Variants in PRR16 observed in about 807,000 individuals in gnomAD.
PRR16 encodes the protein protein Largen.
A neutral mutation model predicts 18.2 loss-of-function variants in PRR16; 6 were observed. The observed-to-expected ratio is 0.33, with a 90% CI of 0.18 to 0.65. The LOEUF (loss-of-function observed/expected upper bound fraction) is 0.65. Among genes scored for constraint, PRR16 ranks in the 30% least tolerant of loss-of-function variants. PRR16 has a pLI of 0.74. For missense variants in PRR16, 412 were observed against 376.6 expected (o/e 1.09, Z -0.78); for synonymous variants, 151 against 147.8 (o/e 1.02, Z -0.16).
chr5:120,775,719 C>T, the PRR16 span, among the ~76,000 whole-genome samples: 79 of 151,124 alleles, frequency 5.2e-4, no homozygotes, highest in African/African-American at 1.7e-3. Flanking sequence ...CAACCTCCAC[C>T]TCTCAGGCTC....
intron 1 of PRR16, among the ~76,000 whole-genome samples, chr5:120,618,932 A>G (rs1015535969): frequency 1.3e-5 from 2 of 152,000 alleles, no homozygotes; most frequent in African/African-American, 4.8e-5. Context: ...CATAGTGTCC[A>G]TGTATTCTGT....
intron 1 of PRR16, among the ~76,000 whole-genome samples, chr5:120,601,469 C>G (rs1455801508): frequency 6.6e-6 from 1 of 151,822 alleles, no homozygotes; most frequent in Non-Finnish European, 1.5e-5. Context: ...ATTATTAGAC[C>G]TTTGTCAGAT....
intron 1 of PRR16, among the ~76,000 whole-genome samples, chr5:120,616,372 G>T (rs898321924): frequency 6.6e-6 from 1 of 152,080 alleles, no homozygotes; most frequent in African/African-American, 2.4e-5. Context: ...ACTGCCCTCT[G>T]GAACTTAGAA....
chr5:120,493,149 G>T (rs955299025), intron 1 of PRR16, among the ~76,000 whole-genome samples: 1 of 152,174 alleles, frequency 6.6e-6, no homozygotes, highest in Non-Finnish European at 1.5e-5. Flanking sequence ...TTTCCATAGT[G>T]TTAGCACTAA....
intron 1 of PRR16, among the ~76,000 whole-genome samples, chr5:120,524,722 G>A (rs1169363730): frequency 6.6e-6 from 1 of 152,028 alleles, no homozygotes; most frequent in African/African-American, 2.4e-5. Flanking sequence ...AAATGCTTGA[G>A]GTGATGAATA....
intron 1 of PRR16, among the ~76,000 whole-genome samples, chr5:120,652,641 A>G (rs935635548): frequency 1.3e-5 from 2 of 152,008 alleles, no homozygotes; most frequent in Admixed American, 1.3e-4. Context: ...ATGCCTGACT[A>G]ATAATCCTCA....
chr5:120,737,694 G>C, the PRR16 span, among the ~76,000 whole-genome samples: 3 of 149,876 alleles, frequency 2.0e-5, no homozygotes, highest in Non-Finnish European at 4.4e-5. Flanking sequence ...TCTATTTTCA[G>C]TTTCTGGTAG....
the PRR16 span, among the ~76,000 whole-genome samples, chr5:120,773,679 T>A: frequency 6.6e-6 from 1 of 152,034 alleles, no homozygotes; most frequent in Admixed American, 6.6e-5. Context: ...TGCCAGACTA[T>A]CAGAATCATG....
intron 1 of PRR16, among the ~76,000 whole-genome samples, chr5:120,627,924 G>A (rs908026258): frequency 6.6e-6 from 1 of 152,014 alleles, no homozygotes; most frequent in African/African-American, 2.4e-5. Context: ...AAATAAGTTT[G>A]TGGTTTCTTT....
Position 120,686,651 on chromosome 5 carries a change from C to G in PRR16, c.857C>G (p.Pro286Arg), listed in dbSNP as rs1438668176. 1.9e-6 allele frequency: 3 copies of G among 1,590,380 alleles called. No individual in the cohort carries two copies. The Admixed American group carries it at 5.2e-5, about 27-fold the overall frequency. ...PPIRPATVPP[P>R]TAPKPQKTIL... is the part of the protein sequence containing the mutation. ...ATCAGACCTGCAACTGTGCCTCCTC[C>G]CACTGCACCAAAACCACAGAAGACG... The change falls in exon 2 of 2, where the codon CCC becomes CGC. Residue 286 changes from proline to arginine, a missense_variant. Pro to Arg is a moderately radical substitution (Grantham distance 103, BLOSUM62 -2). Coordinates refer to ENST00000407149, the MANE Select transcript of PRR16 (RefSeq NM_001300783.2).
intron 1 of PRR16, among the ~76,000 whole-genome samples, chr5:120,525,768 A>G (rs1751326541): frequency 6.6e-6 from 1 of 152,150 alleles, no homozygotes; most frequent in Non-Finnish European, 1.5e-5. Context: ...AGTCATTAGT[A>G]GACTTTAAAA....
At chr5:120,487,133 C>G (rs1749834724) in intron 1 of PRR16, among the ~76,000 whole-genome samples, 1 of 152,198 alleles carries the variant, frequency 6.6e-6, no homozygotes, top group African/African-American at 2.4e-5. Flanking sequence ...AATGCGTGCT[C>G]TTTTCTCGTT....
the PRR16 span, among the ~76,000 whole-genome samples, chr5:120,737,112 CT>C: frequency 6.6e-6 from 1 of 151,860 alleles, no homozygotes; most frequent in African/African-American, 2.4e-5. Context: ...TACTTTTTTT[CT>C]TTGCCTAACT....
chr5:120,724,114 A>G, the PRR16 span, among the ~76,000 whole-genome samples: 1 of 151,804 alleles, frequency 6.6e-6, no homozygotes, highest in Non-Finnish European at 1.5e-5. Flanking sequence ...AGCTTTTCCA[A>G]CTGGCTATTA....
At chr5:120,656,522 G>T (rs982435654) in intron 1 of PRR16, among the ~76,000 whole-genome samples, 1 of 148,906 alleles carries the variant, frequency 6.7e-6, no homozygotes, top group Non-Finnish European at 1.5e-5. Context: ...TCTGGAATAA[G>T]GGAAAAATCG....
chr5:120,712,542 G>A, the PRR16 span, among the ~76,000 whole-genome samples: 2 of 152,054 alleles, frequency 1.3e-5, no homozygotes, highest in Non-Finnish European at 1.5e-5. Flanking sequence ...AAAAATATAT[G>A]TGAACTATAT....
chr5:120,716,290 G>A, the PRR16 span, among the ~76,000 whole-genome samples: 2 of 152,240 alleles, frequency 1.3e-5, no homozygotes, highest in East Asian at 3.9e-4. Flanking sequence ...TAGCAGCTCT[G>A]ATTTCCTCTT....
intron 1 of PRR16, among the ~76,000 whole-genome samples, chr5:120,540,280 G>C (rs1751868423): frequency 6.6e-6 from 1 of 152,114 alleles, no homozygotes; most frequent in Non-Finnish European, 1.5e-5. Flanking sequence ...CCTCTTATCT[G>C]TTTGCACACA....
downstream of PRR16, among the ~76,000 whole-genome samples, chr5:120,690,701 T>C (rs1212958520): frequency 1.3e-5 from 2 of 152,202 alleles, no homozygotes; most frequent in Admixed American, 6.5e-5. Context: ...CTTCGAATTC[T>C]TCAAGTTACA....
Sources: allele counts gnomAD v4.1 joint callset (sites outside exome capture counted in the v4.1 genomes callset), GRCh38; gene constraint gnomAD v4.1.1; transcripts MANE v1.5; gene names NCBI Gene and HGNC (gene_info 2026-07-23, HGNC 2026-07-21).